ASNS: variants seen among roughly 807,000 people sequenced by gnomAD.
ASNS encodes asparagine synthetase (glutamine-hydrolyzing).
In ASNS, 37 loss-of-function variants were observed where a neutral mutation model predicts 62.6. The observed-to-expected ratio is 0.59, with a 90% CI of 0.45 to 0.78. ASNS has a LOEUF of 0.78. ASNS is among the 30% of genes least tolerant of loss of function. ASNS has a pLI of 0.00. For missense variants in ASNS, 520 were observed against 682.4 expected, an observed-to-expected ratio of 0.76 and a Z score of 2.65; for synonymous variants, 207 against 237.9, an observed-to-expected ratio of 0.87 and a Z score of 1.19.
chr7:97,883,974 T>C, the ASNS span, among the ~76,000 whole-genome samples: 1,636 of 120,326 alleles, frequency 0.014, 12 homozygotes, highest in Middle Eastern at 0.031. Context: ...GGCGACAGAG[T>C]GAGACTCCAT....
intron 2 of ASNS, 113 bp downstream of exon 2, chr7:97,869,665 T>C (rs2115760553): frequency 6.4e-6 from 1 of 157,368 alleles, no homozygotes; most frequent in Admixed American, 6.2e-5. Context: ...ATGCCCTCTT[T>C]ATCTGAACTA....
Position 97,864,440 on chromosome 7 carries a change from A to T in ASNS, c.306T>A (p.Leu102=). The T allele has an allele frequency of 3.7e-6, 6 of 1,613,998 alleles. No homozygotes were observed. Among genetic ancestry groups the T allele is most frequent in the Non-Finnish European group, 5.1e-6 (6 of 1,179,928 alleles). ...YQTKVDGEII[L]HLYDKGGIEQ... Reference sequence around the variant, plus strand: ...CAATTCCTCCTTTGTCATAAAGATGAAGGATTATCTCACCATCCACTTTGG... The same window carrying T: ...CAATTCCTCCTTTGTCATAAAGATGTAGGATTATCTCACCATCCACTTTGG... The change falls in exon 4 of 13, where the codon CTT becomes CTA. Residue 102 remains leucine (L), a synonymous_variant. Coordinates refer to ENST00000394308, the MANE Select transcript of ASNS (RefSeq NM_001673.5).
chr7:97,896,680 GTA>G, the ASNS span, among the ~76,000 whole-genome samples: 126 of 122,466 alleles, frequency 1.0e-3, 1 homozygote, highest in African/African-American at 2.3e-3. Context: ...ATGTGTGTGT[GTA>G]TATATATATG....
At chr7:97,898,466 G>A in the ASNS span, 1 of 531,344 alleles carries the variant, frequency 1.9e-6, no homozygotes, top group Non-Finnish European at 3.5e-6. Context: ...TCAAATCCAG[G>A]GTTCTCCAGC....
In ASNS at chr7:97,864,493, G is replaced by C. The variant is rs574699541; in HGVS notation, c.253C>G (p.Gln85Glu). Reference sequence around the variant, plus strand: ...TGGTATTCAAATTCAAAATGCTGTTGCATCTTAGGAAGCGAAAGCAAAACC... The same window carrying C: ...TGGTATTCAAATTCAAAATGCTGTTCCATCTTAGGAAGCGAAAGCAAAACC... ...NGEIYNHKKMQQHFEFEYQTK... is the reference protein window; with the variant it reads ...NGEIYNHKKMEQHFEFEYQTK... The change falls in exon 4 of 13, where the codon CAA becomes GAA. Residue 85 changes from glutamine (Q) to glutamate (E), a missense_variant. Coordinates refer to ENST00000394308, the MANE Select transcript of ASNS (RefSeq NM_001673.5). 1.2e-6 allele frequency: 2 copies of C among 1,612,848 alleles called. No homozygotes were observed. Among genetic ancestry groups the C allele is most frequent in the Admixed American group, 1.7e-5 (1 of 60,006 alleles).
chr7:97,879,583 C>T, the ASNS span, among the ~76,000 whole-genome samples: 4 of 152,282 alleles, frequency 2.6e-5, no homozygotes, highest in South Asian at 2.1e-4. Context: ...AAGCTGAGGA[C>T]AGCAGGAACC....
the ASNS span, among the ~76,000 whole-genome samples, chr7:97,900,360 C>CA: frequency 0.26 from 22,050 of 85,374 alleles, 4,331 homozygotes; most frequent in Non-Finnish European, 0.29. Context: ...GACTTTGTCT[C>CA]AAAAAAAAAA....
intron 7 of ASNS, 125 bp downstream of exon 7, chr7:97,858,149 ACAAT>A (rs1791544400): frequency 8.1e-7 from 1 of 1,238,346 alleles, no homozygotes; most frequent in Admixed American, 2.5e-5. Context: ...CTATTTTAAT[ACAAT>A]CAATTTAAAA....
upstream of ASNS, among the ~76,000 whole-genome samples, chr7:97,877,175 A>G (rs1175253858): frequency 6.6e-6 from 1 of 150,500 alleles, no homozygotes; most frequent in African/African-American, 2.5e-5. Flanking sequence ...GGTCACTGCA[A>G]CCTCCACCTC....
chr7:97,885,268 C>T, the ASNS span, among the ~76,000 whole-genome samples: 1 of 152,222 alleles, frequency 6.6e-6, no homozygotes, highest in South Asian at 2.1e-4. Flanking sequence ...ATAGTCAAAC[C>T]ATGTTCTATT....
chr7:97,888,766 C>G, the ASNS span, among the ~76,000 whole-genome samples: 1 of 152,180 alleles, frequency 6.6e-6, no homozygotes, highest in Non-Finnish European at 1.5e-5. Flanking sequence ...ATTAATAGGA[C>G]ATACACTCAG....
At chr7:97,918,436 G>T in the ASNS span, among the ~76,000 whole-genome samples, 1 of 152,182 alleles carries the variant, frequency 6.6e-6, no homozygotes, top group Non-Finnish European at 1.5e-5. Context: ...ATCCAAAGAC[G>T]TATCGGTGCA....
the ASNS span, among the ~76,000 whole-genome samples, chr7:97,884,552 A>G: frequency 2.6e-5 from 4 of 152,024 alleles, no homozygotes; most frequent in Non-Finnish European, 4.4e-5. Context: ...TCCGTCTCCA[A>G]AAAAAAGTCC....
At chr7:97,868,035 C>A (rs975300939) in intron 3 of ASNS, among the ~76,000 whole-genome samples, 1 of 152,134 alleles carries the variant, frequency 6.6e-6, no homozygotes, top group Non-Finnish European at 1.5e-5. Context: ...CAAACAAGAA[C>A]CAGCTATAAA....
At chr7:97,860,392 A>C (rs1323813763) in intron 4 of ASNS, among the ~76,000 whole-genome samples, 3 of 152,226 alleles carry the variant, frequency 2.0e-5, no homozygotes, top group Non-Finnish European at 4.4e-5. Flanking sequence ...TTCCATATCA[A>C]GTGATCATCA....
At chr7:97,895,367 C>T in the ASNS span, among the ~76,000 whole-genome samples, 4 of 152,334 alleles carry the variant, frequency 2.6e-5, no homozygotes, top group South Asian at 8.3e-4. Context: ...ACATCCAAGC[C>T]AGAGTGATCA....
upstream of ASNS, among the ~76,000 whole-genome samples, chr7:97,875,874 T>TG (rs1792428213): frequency 6.6e-6 from 1 of 151,940 alleles, no homozygotes; most frequent in Admixed American, 6.6e-5. Flanking sequence ...TTTTTTTTTT[T>TG]GAGACAGAGT....
At chr7:97,928,364 G>T in the ASNS span, 1 of 973,624 alleles carries the variant, frequency 1.0e-6, no homozygotes, top group Non-Finnish European at 1.5e-6. Context: ...TCTCGGCGGA[G>T]CTGGGGCGTC....
the ASNS span, among the ~76,000 whole-genome samples, chr7:97,880,241 C>T: frequency 1.3e-5 from 2 of 151,856 alleles, no homozygotes; most frequent in East Asian, 3.9e-4. Flanking sequence ...TCTCCAGCCT[C>T]AGCCTCCTGA....
Sources: gnomAD v4.1 joint callset for allele counts (sites outside exome capture counted in the v4.1 genomes callset) on GRCh38, gnomAD v4.1.1 for gene constraint, MANE v1.5 for transcripts, NCBI Gene and HGNC (gene_info 2026-07-23, HGNC 2026-07-21) for gene names.